The following RAB3C variants were observed in gnomAD, a reference collection of about 807,000 sequenced individuals.
RAB3C encodes ras-related protein Rab-3C.
RAB3C carries 17 observed loss-of-function variants against 26.4 expected under a neutral mutation model. The observed-to-expected ratio is 0.64, with a 90% CI of 0.44 to 0.97. The LOEUF (loss-of-function observed/expected upper bound fraction) is 0.97, where lower values mean the gene tolerates loss of function less well. Ranked by LOEUF, RAB3C falls within the 50% of genes least tolerant of loss-of-function variation. The probability of loss-of-function intolerance (pLI) is 0.00; values close to 1 mark genes in which losing one functional copy is unlikely to be tolerated. For synonymous variants in RAB3C, 91 were observed against 95.9 expected (o/e 0.95, Z 0.30); for missense variants, 242 against 281.9 (o/e 0.86, Z 1.01).
In RAB3C at chr5:58,671,103, C is replaced by G. The variant is rs868393884; in HGVS notation, c.252+53233C>G. ...GGTCCCAGGTGATGCTCTTCCTGAT[C>G]TTCCTAATGATTTATCATCATGGCT... is the stretch of plus-strand genomic sequence containing the variant. On this transcript the variant is annotated intron_variant, in intron 2 of 4. Coordinates refer to ENST00000282878, the MANE Select transcript of RAB3C (RefSeq NM_138453.4). Among the ~76,000 whole-genome samples, 29 of 152,214 alleles carry G rather than the reference C, an allele frequency of 1.9e-4. No homozygotes were observed. The South Asian group carries it at 5.0e-3, about 26-fold the overall frequency.
In RAB3C at chr5:58,828,825, C is replaced by T. The variant is rs970455299; in HGVS notation, c.496+3663C>T. ...CCAGAACACTGGCTTTTGTGGGAAG[C>T]GAGTGTTTGGAGAGGGTAGGGAATT... is the stretch of plus-strand genomic sequence containing the variant. On this transcript the variant is annotated intron_variant, in intron 4 of 4. Coordinates refer to ENST00000282878, the MANE Select transcript of RAB3C (RefSeq NM_138453.4). Among the ~76,000 whole-genome samples the T allele has an allele frequency of 1.1e-4, 15 of 131,694 alleles. No individual in the cohort carries two copies. The East Asian group carries it at 2.8e-3, about 25-fold the overall frequency. The allele number at this position is 131,694 out of a possible 152,430, so 86.4% of individuals were successfully genotyped here. A position where few individuals can be genotyped will look rare whatever the true frequency, so the allele number is the denominator to read the frequency against.
intron 1 of RAB3C, among the ~76,000 whole-genome samples, chr5:58,600,238 T>G (rs1220079937): frequency 6.6e-6 from 1 of 152,342 alleles, no homozygotes; most frequent in East Asian, 1.9e-4. Context: ...TTTTGGTGAC[T>G]ATGGCCTTAT....
At chr5:58,611,401 T>G (rs13186085) in intron 1 of RAB3C, among the ~76,000 whole-genome samples, 21,455 of 152,134 alleles carry the variant, frequency 0.14, 1,646 homozygotes, top group Non-Finnish European at 0.16. Context: ...TGTTATTTTT[T>G]GATTTTTTAG....
Position 58,825,018 on chromosome 5 carries a change from G to A in RAB3C, c.372-20G>A, listed in dbSNP as rs768507875. The A allele has an allele frequency of 1.3e-6, 2 of 1,572,368 alleles. No individual in the cohort carries two copies. The highest frequency in any genetic ancestry group is 3.4e-5 in the Admixed American group (2 of 58,226). On this transcript the variant is annotated intron_variant, in intron 3 of 4. Transcript: ENST00000282878. ...TTCTGCTTTCCTCTGATTGTGTCAT[G>A]CTTCTTCTTTTTCTTTTAGGTCAAC...
intron 1 of RAB3C, among the ~76,000 whole-genome samples, chr5:58,593,368 A>T (rs1309269772): frequency 6.6e-6 from 1 of 152,192 alleles, no homozygotes; most frequent in Admixed American, 6.5e-5. Context: ...TGCAGAAACT[A>T]AGGAAGCACA....
chr5:58,715,064 AG>A (rs1232993986), intron 2 of RAB3C, among the ~76,000 whole-genome samples: 3 of 152,162 alleles, frequency 2.0e-5, no homozygotes, highest in African/African-American at 7.2e-5. Context: ...ATCAAAGCCT[AG>A]AGAGTCGAGT....
At chr5:58,774,933 G>T (rs1363347427) in intron 3 of RAB3C, among the ~76,000 whole-genome samples, 1 of 152,112 alleles carries the variant, frequency 6.6e-6, no homozygotes, top group Non-Finnish European at 1.5e-5. Flanking sequence ...GAAGCATCGT[G>T]ACTAAGGACT....
At chr5:58,633,857 G>A (rs546795314) in intron 2 of RAB3C, among the ~76,000 whole-genome samples, 2 of 152,192 alleles carry the variant, frequency 1.3e-5, no homozygotes, top group Admixed American at 6.5e-5. Context: ...TTTGGGCCAC[G>A]TGTGGTGGCT....
intron 2 of RAB3C, among the ~76,000 whole-genome samples, chr5:58,660,491 T>C (rs753171162): frequency 4.0e-5 from 6 of 150,324 alleles, no homozygotes; most frequent in Non-Finnish European, 7.4e-5. Context: ...GTTGGAGGGA[T>C]ATATCTCATA....
At chr5:58,838,283 G>A (rs1428617491) in intron 4 of RAB3C, among the ~76,000 whole-genome samples, 2 of 151,886 alleles carry the variant, frequency 1.3e-5, no homozygotes, top group Non-Finnish European at 2.9e-5. Flanking sequence ...GGGAGGCTGA[G>A]GCAGGAGAAT....
At chr5:58,627,690 G>C (rs1273752830) in intron 2 of RAB3C, among the ~76,000 whole-genome samples, 2 of 152,000 alleles carry the variant, frequency 1.3e-5, no homozygotes, top group Non-Finnish European at 2.9e-5. Context: ...AATTTTGCTA[G>C]TCCTGAACAT....
At chr5:58,641,057 C>G (rs957910184) in intron 2 of RAB3C, among the ~76,000 whole-genome samples, 1 of 152,174 alleles carries the variant, frequency 6.6e-6, no homozygotes, top group Non-Finnish European at 1.5e-5. Context: ...TGCTTTTGAT[C>G]TCTCCTGCAG....
intron 1 of RAB3C, among the ~76,000 whole-genome samples, chr5:58,615,731 G>A (rs1001921905): frequency 7.9e-5 from 12 of 152,128 alleles, no homozygotes; most frequent in African/African-American, 1.4e-4. Flanking sequence ...AAATATATTT[G>A]TGTGGCTGTA....
At chr5:58,802,186 C>T (rs1314934594) in intron 3 of RAB3C, among the ~76,000 whole-genome samples, 1 of 152,082 alleles carries the variant, frequency 6.6e-6, no homozygotes, top group African/African-American at 2.4e-5. Context: ...CTAAATCAAT[C>T]TGACTTTCAC....
At position 58,646,762 on chromosome 5, in the gene RAB3C, C is replaced by T. The variant is rs558792928; in HGVS notation, c.252+28892C>T. Among the ~76,000 whole-genome samples the T allele has an allele frequency of 2.0e-4, 31 of 152,256 alleles. No individual in the cohort carries two copies. In the South Asian group the frequency reaches 5.2e-3, roughly 25 times the overall value. On this transcript the variant is annotated intron_variant, in intron 2 of 4. Transcript: ENST00000282878. ...TTGTGGGGGCAGGGAAAGCCGGCCC[C>T]ATGCATCTCTAGGGTGGGTTTTAGT...
At chr5:58,681,263 G>T (rs1748336823) in intron 2 of RAB3C, among the ~76,000 whole-genome samples, 1 of 152,154 alleles carries the variant, frequency 6.6e-6, no homozygotes, top group African/African-American at 2.4e-5. Context: ...TATTCAAGGT[G>T]CAAAACATGA....
intron 2 of RAB3C, among the ~76,000 whole-genome samples, chr5:58,699,619 A>C (rs958656135): frequency 1.3e-5 from 2 of 152,166 alleles, no homozygotes; most frequent in African/African-American, 4.8e-5. Context: ...GGTGGGCTCC[A>C]CCCAGTTAGA....
chr5:58,665,642 T>C (rs1252198843), intron 2 of RAB3C, among the ~76,000 whole-genome samples: 1 of 152,170 alleles, frequency 6.6e-6, no homozygotes, highest in Non-Finnish European at 1.5e-5. Flanking sequence ...CATTAACTCC[T>C]TGATGGACAC....
intron 4 of RAB3C, among the ~76,000 whole-genome samples, chr5:58,841,117 G>T (rs1579948485): frequency 6.6e-6 from 1 of 152,206 alleles, no homozygotes; most frequent in East Asian, 1.9e-4. Flanking sequence ...GGGGCAGGGG[G>T]CAGGGGCACT....
Sources: allele counts gnomAD v4.1 joint callset (sites outside exome capture counted in the v4.1 genomes callset), GRCh38; gene constraint gnomAD v4.1.1; transcripts MANE v1.5; gene names NCBI Gene and HGNC (gene_info 2026-07-23, HGNC 2026-07-21).